HYCC2: variants seen among roughly 807,000 people sequenced by gnomAD.
HYCC2 encodes the protein hyccin PI4KA lipid kinase complex subunit 2.
chr2:201,041,886 C>G, the HYCC2 span, among the ~76,000 whole-genome samples: 11 of 152,344 alleles, frequency 7.2e-5, no homozygotes, highest in East Asian at 1.9e-3. Flanking sequence ...TTTTCCAACT[C>G]TAAAATCCTA....
chr2:201,058,835 C>T, the HYCC2 span, among the ~76,000 whole-genome samples: 1 of 152,306 alleles, frequency 6.6e-6, no homozygotes, highest in South Asian at 2.1e-4. Flanking sequence ...ATCTCATCTC[C>T]ATATATTTAG....
chr2:201,056,208 A>G, the HYCC2 span, among the ~76,000 whole-genome samples: 1 of 152,124 alleles, frequency 6.6e-6, no homozygotes, highest in Middle Eastern at 3.2e-3. Flanking sequence ...AAAAAAATAA[A>G]TAAAATAAAA....
chr2:201,034,003 A>G, the HYCC2 span, among the ~76,000 whole-genome samples: 1 of 151,870 alleles, frequency 6.6e-6, no homozygotes, highest in African/African-American at 2.4e-5. Context: ...TACCATCTCC[A>G]GGCTAAATTA....
the HYCC2 span, among the ~76,000 whole-genome samples, chr2:201,011,109 C>T: frequency 1.3e-5 from 2 of 152,092 alleles, no homozygotes; most frequent in Non-Finnish European, 2.9e-5. Context: ...CGCACCACTG[C>T]ACTCCAGCCT....
the HYCC2 span, among the ~76,000 whole-genome samples, chr2:201,003,467 T>C: frequency 6.6e-6 from 1 of 151,582 alleles, no homozygotes; most frequent in East Asian, 1.9e-4. Flanking sequence ...TCCCAGCACT[T>C]TGGGAGGCTG....
the HYCC2 span, among the ~76,000 whole-genome samples, chr2:201,040,459 GT>G: frequency 8.0e-4 from 108 of 135,130 alleles, no homozygotes; most frequent in Middle Eastern, 3.8e-3. Flanking sequence ...TATTGCTTTT[GT>G]TTTTTTTTTT....
chr2:201,012,168 A>G, the HYCC2 span, among the ~76,000 whole-genome samples: 1 of 152,176 alleles, frequency 6.6e-6, no homozygotes, highest in Middle Eastern at 3.2e-3. Context: ...AGCCACATTA[A>G]TAATTATTGG....
At chr2:200,983,069 T>C in the HYCC2 span, among the ~76,000 whole-genome samples, 2 of 152,156 alleles carry the variant, frequency 1.3e-5, no homozygotes, top group Admixed American at 1.3e-4. Context: ...ACAACAGAAT[T>C]CTTATCTTGG....
the HYCC2 span, among the ~76,000 whole-genome samples, chr2:201,018,318 C>G: frequency 1.3e-5 from 2 of 151,672 alleles, no homozygotes; most frequent in African/African-American, 4.8e-5. Flanking sequence ...TGACAAGAAA[C>G]TATAAAGTAA....
the HYCC2 span, among the ~76,000 whole-genome samples, chr2:201,001,376 A>C: frequency 1.6e-4 from 25 of 152,326 alleles, no homozygotes; most frequent in Non-Finnish European, 2.5e-4. Context: ...TAGCAGCCCA[A>C]ATAGACTAAA....
the HYCC2 span, among the ~76,000 whole-genome samples, chr2:201,015,236 C>T: frequency 6.6e-6 from 1 of 152,140 alleles, no homozygotes; most frequent in Non-Finnish European, 1.5e-5. Flanking sequence ...CAGATGATCC[C>T]ATGTTCCTAA....
At chr2:201,029,851 G>C in the HYCC2 span, among the ~76,000 whole-genome samples, 363 of 152,266 alleles carry the variant, frequency 2.4e-3, 1 homozygote, top group African/African-American at 8.0e-3. Flanking sequence ...AATGGGTGCA[G>C]CAAACCAACA....
the HYCC2 span, among the ~76,000 whole-genome samples, chr2:201,000,338 A>T: frequency 3.4e-5 from 5 of 145,988 alleles, no homozygotes; most frequent in Non-Finnish European, 6.0e-5. Flanking sequence ...GCAGTAAGCC[A>T]TGATCATGCC....
chr2:201,067,182 G>C, the HYCC2 span: 1 of 225,556 alleles, frequency 4.4e-6, no homozygotes, highest in African/African-American at 2.3e-5. Flanking sequence ...ACAAAATTGG[G>C]ATCATCTAAA....
chr2:200,981,150 A>G, the HYCC2 span: 5 of 1,221,852 alleles, frequency 4.1e-6, no homozygotes, highest in African/African-American at 6.1e-5. The surrounding 1 kb of genome is among the most constrained non-coding windows in gnomAD (Gnocchi z 4.5). Context: ...GAAGATACCT[A>G]AACTAAATGA....
chr2:201,037,636 T>C, the HYCC2 span, among the ~76,000 whole-genome samples: 5 of 152,092 alleles, frequency 3.3e-5, no homozygotes, highest in Admixed American at 6.5e-5. Context: ...AAACAAGAAA[T>C]GGGGAAAGGA....
the HYCC2 span, among the ~76,000 whole-genome samples, chr2:201,045,218 C>T: frequency 6.6e-6 from 1 of 152,158 alleles, no homozygotes; most frequent in Non-Finnish European, 1.5e-5. Flanking sequence ...TTCTATTGGA[C>T]AGCATCGATC....
the HYCC2 span, chr2:201,021,403 C>T: frequency 6.5e-6 from 1 of 153,604 alleles, no homozygotes; most frequent in Non-Finnish European, 1.5e-5. Flanking sequence ...CCATGAAACC[C>T]CCAAAGTCCC....
chr2:200,985,329 C>CT, the HYCC2 span, among the ~76,000 whole-genome samples: 2 of 152,008 alleles, frequency 1.3e-5, no homozygotes, highest in African/African-American at 4.8e-5. Flanking sequence ...TCATGGCTGA[C>CT]TTTACTTACA....
Sources: gnomAD v4.1 joint callset for allele counts (sites outside exome capture counted in the v4.1 genomes callset) on GRCh38, gnomAD v4.1.1 for gene constraint, Gnocchi (gnomAD v3.1) non-coding constraint, MANE v1.5 for transcripts, NCBI Gene and HGNC (gene_info 2026-07-23, HGNC 2026-07-21) for gene names.